Variants in SRGAP2C observed in about 807,000 individuals in gnomAD.
The protein encoded by SRGAP2C is SLIT-ROBO Rho GTPase activating protein 2C.
Under a neutral mutation model 25.1 loss-of-function variants are expected in SRGAP2C, and 15 were observed. That is an observed-to-expected ratio of 0.60 (90% CI 0.40 to 0.92). The LOEUF is 0.92. Among genes scored for constraint, SRGAP2C ranks in the 40% least tolerant of loss-of-function variants. The probability of loss-of-function intolerance (pLI) is 0.00; values close to 1 mark genes in which losing one functional copy is unlikely to be tolerated. For missense variants in SRGAP2C, 144 were observed against 264.4 expected (o/e 0.54, Z 3.16); for synonymous variants, 44 against 96.6 (o/e 0.46, Z 3.19).
At chr1:121,272,160 CAAAAAAAA>C (rs61711288) in intron 2 of SRGAP2C, among the ~76,000 whole-genome samples, 1 of 9,192 alleles carries the variant, frequency 1.1e-4, no homozygotes, top group Admixed American at 1.4e-3. Flanking sequence ...GACTCCATCT[CAAAAAAAA>C]AAAAAAAAAA....
chr1:121,208,532 T>A (rs1359979610), intron 2 of SRGAP2C, among the ~76,000 whole-genome samples: 1 of 152,224 alleles, frequency 6.6e-6, no homozygotes, highest in Non-Finnish European at 1.5e-5. Flanking sequence ...ATAGCAAGTC[T>A]GCCAGGTTGA....
intron 8 of SRGAP2C, among the ~76,000 whole-genome samples, chr1:121,384,785 G>A (rs587751065): frequency 5.4e-4 from 82 of 151,944 alleles, no homozygotes; most frequent in African/African-American, 1.8e-3. Flanking sequence ...CAGCTGAAGT[G>A]TATTACCTTG....
chr1:121,211,396 G>C (rs1459070935), intron 2 of SRGAP2C, among the ~76,000 whole-genome samples: 3 of 136,254 alleles, frequency 2.2e-5, no homozygotes, highest in African/African-American at 8.2e-5. Flanking sequence ...CATGTTGAGA[G>C]AGAGATATAT....
chr1:121,262,957 C>G (rs1656662064), intron 2 of SRGAP2C, among the ~76,000 whole-genome samples: 1 of 150,770 alleles, frequency 6.6e-6, no homozygotes. Context: ...TTTTTTAAAT[C>G]AAGTTGACAT....
At chr1:121,201,685 G>A (rs1447357480) in intron 2 of SRGAP2C, among the ~76,000 whole-genome samples, 1 of 152,202 alleles carries the variant, frequency 6.6e-6, no homozygotes, top group African/African-American at 2.4e-5. Flanking sequence ...TACTTGGGAG[G>A]GATACTTGTG....
At chr1:121,201,884 G>C (rs1352880706) in intron 2 of SRGAP2C, among the ~76,000 whole-genome samples, 1 of 152,160 alleles carries the variant, frequency 6.6e-6, no homozygotes, top group Non-Finnish European at 1.5e-5. Context: ...AGCTAGCATT[G>C]TTTTCAGGGC....
chr1:121,271,547 C>T (rs1406461068), intron 2 of SRGAP2C, among the ~76,000 whole-genome samples: 1 of 151,470 alleles, frequency 6.6e-6, no homozygotes, highest in Non-Finnish European at 1.5e-5. Context: ...GGTTTGAAGA[C>T]TGTTCTAGTT....
At chr1:121,376,300 A>C in intron 7 of SRGAP2C, among the ~76,000 whole-genome samples, 2 of 81,738 alleles carry the variant, frequency 2.4e-5, no homozygotes, top group Non-Finnish European at 4.9e-5. Context: ...GCTTTGCAAA[A>C]CTCTGGCCCG....
intron 2 of SRGAP2C, among the ~76,000 whole-genome samples, chr1:121,218,672 G>A (rs587653183): frequency 8.6e-5 from 13 of 150,508 alleles, no homozygotes; most frequent in East Asian, 3.9e-4. Context: ...TCTTGAACCC[G>A]GGAGGCGAAG....
At chr1:121,368,027 G>A (rs1321145167) in intron 5 of SRGAP2C, among the ~76,000 whole-genome samples, 4 of 113,552 alleles carry the variant, frequency 3.5e-5, no homozygotes, top group African/African-American at 7.2e-5. Flanking sequence ...AGTGAGCCGA[G>A]ATTGTGCCAC....
At chr1:121,364,308 C>CCTTTT (rs1285460221) in intron 4 of SRGAP2C, among the ~76,000 whole-genome samples, 2 of 141,082 alleles carry the variant, frequency 1.4e-5, no homozygotes, top group African/African-American at 2.7e-5. Flanking sequence ...TCCTTTCTTT[C>CCTTTT]CTTTTCTTTT....
chr1:121,201,530 T>C (rs149468280), intron 2 of SRGAP2C, among the ~76,000 whole-genome samples: 7,295 of 151,826 alleles, frequency 0.048, 615 homozygotes, highest in African/African-American at 0.17. Context: ...CCTTCTCTTG[T>C]GTTAAATCTC....
intron 3 of SRGAP2C, among the ~76,000 whole-genome samples, chr1:121,298,510 T>C (rs1657642966): frequency 2.2e-5 from 2 of 88,898 alleles, no homozygotes; most frequent in Non-Finnish European, 4.4e-5. Context: ...ACTGGGTTGT[T>C]TGTCTCATGA....
chr1:121,191,958 C>A (rs587737944), intron 2 of SRGAP2C, among the ~76,000 whole-genome samples: 4 of 145,700 alleles, frequency 2.7e-5, no homozygotes, highest in African/African-American at 5.2e-5. Flanking sequence ...GAGCTGGAAG[C>A]GAAATTTTGT....
At chr1:121,206,283 A>G (rs1655106829) in intron 2 of SRGAP2C, among the ~76,000 whole-genome samples, 1 of 152,034 alleles carries the variant, frequency 6.6e-6, no homozygotes, top group African/African-American at 2.4e-5. Context: ...CTGTCATTTC[A>G]ACATTCCCAG....
intron 2 of SRGAP2C, among the ~76,000 whole-genome samples, chr1:121,273,207 G>A (rs1322200256): frequency 8.4e-6 from 1 of 118,914 alleles, no homozygotes; most frequent in African/African-American, 2.8e-5. Flanking sequence ...CTTAATAAAT[G>A]GGATATGTGA....
chr1:121,229,068 GA>G (rs1246076467), intron 2 of SRGAP2C, among the ~76,000 whole-genome samples: 3 of 142,420 alleles, frequency 2.1e-5, no homozygotes, highest in Non-Finnish European at 4.5e-5. Context: ...ACAGATGAGA[GA>G]CAGAGGCAGA....
At chr1:121,304,942 G>C (rs1657794024) in intron 3 of SRGAP2C, among the ~76,000 whole-genome samples, 2 of 152,156 alleles carry the variant, frequency 1.3e-5, no homozygotes, top group Admixed American at 1.3e-4. Flanking sequence ...GACTAAAAAA[G>C]ATGGCGCAGA....
chr1:121,231,612 T>C (rs1655821390), intron 2 of SRGAP2C, among the ~76,000 whole-genome samples: 1 of 151,772 alleles, frequency 6.6e-6, no homozygotes, highest in Admixed American at 6.6e-5. Flanking sequence ...TCTTTAATCA[T>C]AAAGTCAGAA....
Sources: allele counts gnomAD v4.1 joint callset (sites outside exome capture counted in the v4.1 genomes callset), GRCh38; gene constraint gnomAD v4.1.1; transcripts MANE v1.5; gene names NCBI Gene and HGNC (gene_info 2026-07-23, HGNC 2026-07-21).